The following KIFAP3 variants were observed in gnomAD, a reference collection of about 807,000 sequenced individuals.
The protein encoded by KIFAP3 is kinesin-associated protein 3.
KIFAP3 carries 68 observed loss-of-function variants against 106.5 expected under a neutral mutation model. The ratio of observed to expected loss-of-function variants is 0.64; its 90% CI spans 0.53 to 0.78. The LOEUF (loss-of-function observed/expected upper bound fraction) is 0.78. KIFAP3 is among the 30% of genes least tolerant of loss of function. The pLI, the probability that KIFAP3 is intolerant of heterozygous loss-of-function variation, is 0.00. For synonymous variants in KIFAP3, 320 were observed against 311.5 expected (o/e 1.03, Z -0.29); for missense variants, 780 against 941.8 (o/e 0.83, Z 2.25).
At position 170,034,344 on chromosome 1, in the gene KIFAP3, C is replaced by T. The variant is rs200139485; in HGVS notation, c.742+28G>A. ...AAAACTTAAAGCAAAAGACAACAGACGGTTCAAATGCCACTCTAAAAGGAT... is the reference window on the plus strand; with the variant it reads ...AAAACTTAAAGCAAAAGACAACAGATGGTTCAAATGCCACTCTAAAAGGAT... On this transcript the variant is annotated intron_variant, in intron 7 of 19. Transcript: ENST00000361580. The T allele has an allele frequency of 2.9e-4, 464 of 1,589,338 alleles. 2 individuals are homozygous for T. The African/African-American group carries it at 5.4e-3, about 19-fold the overall frequency.
chr1:169,954,581 T>C (rs371132548), intron 18 of KIFAP3, among the ~76,000 whole-genome samples: 26 of 152,320 alleles, frequency 1.7e-4, no homozygotes, highest in African/African-American at 6.0e-4. Flanking sequence ...GGGAATCAGA[T>C]ATACCAAATA....
intron 2 of KIFAP3, among the ~76,000 whole-genome samples, chr1:170,048,929 AG>A (rs950778166): frequency 1.3e-5 from 2 of 152,212 alleles, no homozygotes; most frequent in African/African-American, 4.8e-5. Context: ...AGCTAGCTGC[AG>A]AAGTGTTTTT....
chr1:170,048,659 G>A (rs1250271322), intron 2 of KIFAP3, among the ~76,000 whole-genome samples: 1 of 151,538 alleles, frequency 6.6e-6, no homozygotes, highest in Admixed American at 6.6e-5. Flanking sequence ...ACTGGGACTG[G>A]TTAGGCAGTG....
chr1:169,978,040 G>T, intron 16 of KIFAP3, 45 bp downstream of exon 16: 5 of 1,197,456 alleles, frequency 4.2e-6, no homozygotes, highest in South Asian at 1.3e-5. Context: ...CATCTTTTCT[G>T]AATATGTGAA....
intron 10 of KIFAP3, among the ~76,000 whole-genome samples, chr1:170,012,969 A>G (rs1668315506): frequency 6.6e-6 from 1 of 152,094 alleles, no homozygotes; most frequent in South Asian, 2.1e-4. Flanking sequence ...CCGGCCCTTG[A>G]AACGTGGGGA....
intron 1 of KIFAP3, among the ~76,000 whole-genome samples, chr1:170,063,956 A>C (rs1460271495): frequency 2.0e-5 from 3 of 152,222 alleles, no homozygotes; most frequent in Non-Finnish European, 4.4e-5. Flanking sequence ...ATTTCTTTAG[A>C]AAGGTGATGC....
chr1:170,074,346 AGC>A (rs1671834784), intron 1 of KIFAP3, 88 bp downstream of exon 1: 1 of 1,447,504 alleles, frequency 6.9e-7, no homozygotes, highest in South Asian at 1.2e-5. Context: ...CTGCTAAACT[AGC>A]GTTGCCCAGT....
At chr1:170,005,151 C>CA (rs1470958543) in intron 10 of KIFAP3, among the ~76,000 whole-genome samples, 1 of 151,030 alleles carries the variant, frequency 6.6e-6, no homozygotes, top group Non-Finnish European at 1.5e-5. Flanking sequence ...ATCAAAACCA[C>CA]AATGAGATAC....
chr1:169,990,187 TTAGAG>T, intron 11 of KIFAP3: 5 of 1,374,726 alleles, frequency 3.6e-6, no homozygotes, highest in Non-Finnish European at 4.9e-6. Context: ...TTACAGATGT[TTAGAG>T]GTGAGTGTAT....
intron 10 of KIFAP3, 101 bp from the exon 11 acceptor site, chr1:169,992,356 T>C (rs1406925788): frequency 2.1e-6 from 1 of 485,108 alleles, no homozygotes; most frequent in Non-Finnish European, 3.4e-6. Context: ...ATAAAATCTT[T>C]ATATAAACTT....
At chr1:169,993,919 T>A (rs1045649731) in intron 10 of KIFAP3, among the ~76,000 whole-genome samples, 4 of 152,160 alleles carry the variant, frequency 2.6e-5, no homozygotes, top group African/African-American at 9.7e-5. Flanking sequence ...TGATCTTCTA[T>A]CTCTCAAATT....
At position 170,022,014 on chromosome 1, in the gene KIFAP3, A is replaced by G. The variant is rs554644491; in HGVS notation, c.1020+2404T>C. 6.4e-5 allele frequency among the ~76,000 whole-genome samples: 8 copies of G among 124,810 alleles called. No individual in the cohort carries two copies. In the South Asian group the frequency reaches 1.0e-3, roughly 16 times the overall value. The allele number at this position is 124,810 out of a possible 152,430, so 81.9% of individuals were successfully genotyped here. On this transcript the variant is annotated intron_variant, in intron 9 of 19. Transcript: ENST00000361580. ...GCCCAGGCTGGAGTGCAGTGGCATG[A>G]TCTCAGTTCACTGCAACTTCCACCT...
chr1:169,944,795 G>A (rs190965669), intron 19 of KIFAP3, among the ~76,000 whole-genome samples: 121 of 152,260 alleles, frequency 7.9e-4, no homozygotes, highest in African/African-American at 2.9e-3. Context: ...CCCCACGTCT[G>A]TATGAGTCTG....
At chr1:170,083,881 A>T (rs999617682) in intron 1 of KIFAP3, among the ~76,000 whole-genome samples, 4 of 152,254 alleles carry the variant, frequency 2.6e-5, no homozygotes, top group Non-Finnish European at 5.9e-5. Flanking sequence ...TTAGAATCTT[A>T]TAAATTTTAA....
chr1:169,943,531 T>C (rs1039965488), intron 19 of KIFAP3, among the ~76,000 whole-genome samples: 13 of 152,242 alleles, frequency 8.5e-5, no homozygotes, highest in African/African-American at 2.2e-4. Context: ...TAAGGGGGAA[T>C]AGTGATGCTT....
At chr1:170,063,259 C>T (rs990797040) in intron 1 of KIFAP3, among the ~76,000 whole-genome samples, 3 of 152,172 alleles carry the variant, frequency 2.0e-5, no homozygotes, top group African/African-American at 7.2e-5. Context: ...GATAACAACA[C>T]TATTGTCAAA....
intron 1 of KIFAP3, among the ~76,000 whole-genome samples, chr1:170,060,687 C>G (rs540139706): frequency 3.3e-5 from 5 of 152,084 alleles, no homozygotes; most frequent in Non-Finnish European, 7.4e-5. Flanking sequence ...AACCAAAAAA[C>G]AGCCCGCATC....
intron 18 of KIFAP3, among the ~76,000 whole-genome samples, chr1:169,954,459 G>T (rs1392770311): frequency 1.3e-5 from 2 of 152,148 alleles, no homozygotes; most frequent in African/African-American, 2.4e-5. Flanking sequence ...AGTAAGGATG[G>T]TTCAGGCTAA....
intron 1 of KIFAP3, among the ~76,000 whole-genome samples, chr1:170,071,936 A>G (rs56041446): frequency 0.11 from 16,025 of 152,182 alleles, 1,002 homozygotes; most frequent in East Asian, 0.19. Flanking sequence ...AAAGCCACAC[A>G]CTTTTTTCAT....
Sources: gnomAD v4.1 joint callset for allele counts (sites outside exome capture counted in the v4.1 genomes callset) on GRCh38, gnomAD v4.1.1 for gene constraint, MANE v1.5 for transcripts, NCBI Gene and HGNC (gene_info 2026-07-23, HGNC 2026-07-21) for gene names.